TOX3: variants seen among roughly 807,000 people sequenced by gnomAD.
TOX3 encodes CAG trinucleotide repeat-containing gene F9 protein.
A neutral mutation model predicts 64.3 loss-of-function variants in TOX3; 22 were observed. That is an observed-to-expected ratio of 0.34 (90% CI 0.24 to 0.49). The LOEUF (loss-of-function observed/expected upper bound fraction) is 0.49, where lower values mean the gene tolerates loss of function less well. Among genes scored for constraint, TOX3 ranks in the 20% least tolerant of loss-of-function variants. The probability of loss-of-function intolerance (pLI) is 0.99; values close to 1 mark genes in which losing one functional copy is unlikely to be tolerated. For missense variants in TOX3, 661 were observed against 714.4 expected (o/e 0.93, Z 0.85); for synonymous variants, 291 against 273.6 (o/e 1.06, Z -0.63).
At chr16:52,499,752 T>C (rs1336478896) in intron 1 of TOX3, among the ~76,000 whole-genome samples, 1 of 152,222 alleles carries the variant, frequency 6.6e-6, no homozygotes, top group Non-Finnish European at 1.5e-5. Context: ...GTTTTCCCTA[T>C]GGCTTCAAAC....
At chr16:52,464,744 T>A (rs1960801710) in intron 2 of TOX3, among the ~76,000 whole-genome samples, 1 of 152,224 alleles carries the variant, frequency 6.6e-6, no homozygotes. Context: ...CTGTGTGTAA[T>A]ACAATGTTTT....
chr16:52,505,024 G>A (rs970929536), intron 1 of TOX3, among the ~76,000 whole-genome samples: 1 of 151,996 alleles, frequency 6.6e-6, no homozygotes, highest in Non-Finnish European at 1.5e-5. Context: ...TAGTAGAGAC[G>A]GGTTTCACCA....
intron 6 of TOX3, 33 bp from the exon 7 acceptor site, chr16:52,440,001 A>G (rs1460860587): frequency 6.8e-7 from 1 of 1,476,388 alleles, no homozygotes; most frequent in Non-Finnish European, 9.1e-7. Context: ...CCAGACTGTT[A>G]CAACACATAA....
chr16:52,537,878 TAAAAAAAAAAAAA>T (rs57403617), intron 1 of TOX3, among the ~76,000 whole-genome samples: 2 of 111,040 alleles, frequency 1.8e-5, no homozygotes, highest in Non-Finnish European at 1.9e-5. Flanking sequence ...GCTGATATGA[TAAAAAAAAAAAAA>T]AAAAAAAAAG....
At chr16:52,545,779 G>C (rs1390023260) in intron 1 of TOX3, among the ~76,000 whole-genome samples, 3 of 152,120 alleles carry the variant, frequency 2.0e-5, no homozygotes, top group Non-Finnish European at 4.4e-5. Context: ...GGATGGTGGG[G>C]GGGAATTCCG....
Position 52,450,562 on chromosome 16 carries a change from C to T in TOX3, c.409-16G>A, listed in dbSNP as rs373078114. ...GGCTCTGATCCTAGAAAGGCAGCAA[C>T]AAAGGGGGAAAATATTTCAGCTTTT... On this transcript the variant is annotated splice_polypyrimidine_tract_variant and intron_variant, in intron 3 of 6. Transcript: ENST00000219746. 4.3e-6 allele frequency: 7 copies of T among 1,613,022 alleles called. No homozygotes were observed. Among genetic ancestry groups the T allele is most frequent in the East Asian group, 2.2e-5 (1 of 44,862 alleles).
intron 1 of TOX3, among the ~76,000 whole-genome samples, chr16:52,478,280 G>T (rs1046552651): frequency 2.6e-5 from 4 of 152,134 alleles, no homozygotes; most frequent in African/African-American, 4.8e-5. Flanking sequence ...CTAAGCTCCA[G>T]AAACACTGCA....
chr16:52,506,655 A>G (rs927336397), intron 1 of TOX3, among the ~76,000 whole-genome samples: 13 of 151,912 alleles, frequency 8.6e-5, no homozygotes, highest in African/African-American at 2.7e-4. Flanking sequence ...AGTGATTCAG[A>G]CTCTTTAGAG....
At chr16:52,517,557 T>G (rs1194669760) in intron 1 of TOX3, among the ~76,000 whole-genome samples, 2 of 152,078 alleles carry the variant, frequency 1.3e-5, no homozygotes, top group Non-Finnish European at 1.5e-5. Flanking sequence ...CATAATTAAA[T>G]AATTTATGAA....
chr16:52,478,353 C>T (rs1030060989), intron 1 of TOX3, among the ~76,000 whole-genome samples: 1 of 152,210 alleles, frequency 6.6e-6, no homozygotes, highest in Non-Finnish European at 1.5e-5. Context: ...GCCTGGGCCA[C>T]TCTCCCTTCT....
At chr16:52,453,734 C>T (rs1319193312) in intron 3 of TOX3, among the ~76,000 whole-genome samples, 1 of 152,058 alleles carries the variant, frequency 6.6e-6, no homozygotes, top group Non-Finnish European at 1.5e-5. Flanking sequence ...ATTGACTCAC[C>T]CCACACCTAG....
chr16:52,545,840 C>A (rs562812075), intron 1 of TOX3, among the ~76,000 whole-genome samples: 5 of 152,220 alleles, frequency 3.3e-5, no homozygotes, highest in Non-Finnish European at 7.4e-5. Context: ...CTGCTCCGAG[C>A]GACGCCCGCT....
intron 4 of TOX3, among the ~76,000 whole-genome samples, chr16:52,448,685 T>C (rs1191976281): frequency 6.6e-6 from 1 of 152,202 alleles, no homozygotes; most frequent in Non-Finnish European, 1.5e-5. Context: ...CTAGCTCCTC[T>C]TCTTCCTTTT....
At chr16:52,519,532 T>A in intron 1 of TOX3, 2 of 1,540,916 alleles carry the variant, frequency 1.3e-6, no homozygotes, top group Non-Finnish European at 8.8e-7. Context: ...CTCTTCTGAC[T>A]CTTCTGTCCT....
At chr16:52,482,309 A>G (rs771286517) in intron 1 of TOX3, among the ~76,000 whole-genome samples, 23 of 152,194 alleles carry the variant, frequency 1.5e-4, no homozygotes, top group Non-Finnish European at 2.8e-4. Flanking sequence ...AATACATTTA[A>G]GATTACCTTA....
intron 1 of TOX3, among the ~76,000 whole-genome samples, chr16:52,545,585 CACAA>C (rs1232221925): frequency 6.6e-6 from 1 of 152,182 alleles, no homozygotes; most frequent in Non-Finnish European, 1.5e-5. Context: ...TCCAAGCAAT[CACAA>C]ACAAACTACG....
intron 2 of TOX3, among the ~76,000 whole-genome samples, chr16:52,466,475 T>A (rs40840): frequency 6.6e-6 from 1 of 152,144 alleles, no homozygotes; most frequent in Non-Finnish European, 1.5e-5. Context: ...ACCAAGTAAA[T>A]TTACTTTTAA....
chr16:52,443,382 G>C (rs1256635265), intron 6 of TOX3, among the ~76,000 whole-genome samples: 2 of 152,178 alleles, frequency 1.3e-5, no homozygotes, highest in East Asian at 3.9e-4. Flanking sequence ...CTGTTGATCT[G>C]ATTCTGAGCA....
intron 1 of TOX3, among the ~76,000 whole-genome samples, chr16:52,529,725 C>T (rs745840554): frequency 7.2e-5 from 11 of 152,048 alleles, no homozygotes; most frequent in South Asian, 2.1e-4. Flanking sequence ...TAAGATACAG[C>T]GAAGTGGATT....
Sources: allele counts gnomAD v4.1 joint callset (sites outside exome capture counted in the v4.1 genomes callset), GRCh38; gene constraint gnomAD v4.1.1; transcripts MANE v1.5; gene names NCBI Gene and HGNC (gene_info 2026-07-23, HGNC 2026-07-21).